The following PLXNA2 variants were observed in gnomAD, a reference collection of about 807,000 sequenced individuals.
PLXNA2 encodes plexin-A2.
Under a neutral mutation model 193.5 loss-of-function variants are expected in PLXNA2, and 91 were observed. The observed-to-expected ratio is 0.47, with a 90% CI of 0.40 to 0.56. The LOEUF is 0.56. PLXNA2 is among the 20% of genes least tolerant of loss of function. PLXNA2 has a pLI of 0.00. For synonymous variants in PLXNA2, 997 were observed against 1,027.3 expected, an observed-to-expected ratio of 0.97 and a Z score of 0.56; for missense variants, 1,995 against 2,503.2, an observed-to-expected ratio of 0.80 and a Z score of 4.33.
chr1:208,226,724 G>T (rs1340645923), intron 1 of PLXNA2, among the ~76,000 whole-genome samples: 2 of 152,212 alleles, frequency 1.3e-5, no homozygotes, highest in Non-Finnish European at 2.9e-5. Flanking sequence ...AGCTGAGAGA[G>T]CCGCATGGTA....
intron 3 of PLXNA2, among the ~76,000 whole-genome samples, chr1:208,152,681 A>ATG (rs1553288578): frequency 6.3e-5 from 4 of 63,818 alleles, no homozygotes; most frequent in African/African-American, 1.7e-4. Flanking sequence ...ACACACACAC[A>ATG]CGCACACACA....
At chr1:208,143,534 T>G (rs1295059000) in intron 3 of PLXNA2, among the ~76,000 whole-genome samples, 2 of 152,204 alleles carry the variant, frequency 1.3e-5, no homozygotes, top group Non-Finnish European at 2.9e-5. Context: ...CAAGGAGCCC[T>G]TGGTCTGAAT....
In PLXNA2 at chr1:208,079,439, T is replaced by G. The variant is rs1666262016; in HGVS notation, c.2407A>C (p.Lys803Gln). The G allele has an allele frequency of 3.8e-6, 6 of 1,591,852 alleles. No individual in the cohort carries two copies. The Admixed American group carries it at 1.0e-4, about 28-fold the overall frequency. Reference protein sequence around the residue: ...NPQDLKVHLYKCAAQRESCGL... With the variant: ...NPQDLKVHLYQCAAQRESCGL... ...CAGCTCTCCCGCTGGGCTGCACACTTGTAGAGATGGACTGCAAAGAGAGCA... is the reference window on the plus strand; with the variant it reads ...CAGCTCTCCCGCTGGGCTGCACACTGGTAGAGATGGACTGCAAAGAGAGCA... Residue 803 changes from lysine to glutamine, a missense_variant, in exon 12 of 32, where the codon AAG becomes CAG. By Grantham distance (53) the Lys-to-Gln change is moderately conservative (BLOSUM62 1). This residue lies in a region of PLXNA2 where 1,291 missense variants were observed against 1,673.6 expected (regional missense o/e 0.77). Transcript: ENST00000367033.
intron 3 of PLXNA2, among the ~76,000 whole-genome samples, chr1:208,195,522 T>G (rs1416320230): frequency 3.3e-5 from 5 of 152,170 alleles, no homozygotes; most frequent in African/African-American, 4.8e-5. Flanking sequence ...GGCTGTGGTT[T>G]ATCTCCCATT....
chr1:208,056,107 T>C (rs58937727), intron 13 of PLXNA2, among the ~76,000 whole-genome samples: 1 of 152,374 alleles, frequency 6.6e-6, no homozygotes, highest in East Asian at 1.9e-4. Context: ...ATCTTCATGC[T>C]GCTACCTGCG....
At chr1:208,099,108 G>A in intron 5 of PLXNA2, 139 bp from the exon 6 acceptor site, 1 of 1,044,776 alleles carries the variant, frequency 9.6e-7, no homozygotes, top group Non-Finnish European at 1.4e-6. Context: ...CTGTACTCCG[G>A]AGGGCCTTGG....
intron 3 of PLXNA2, among the ~76,000 whole-genome samples, chr1:208,171,376 T>C (rs1448509599): frequency 1.3e-5 from 2 of 152,246 alleles, no homozygotes. Flanking sequence ...AGGTTTGATA[T>C]GTACTCTATC....
chr1:208,080,942 G>A (rs1363154591), intron 11 of PLXNA2, among the ~76,000 whole-genome samples: 6 of 152,312 alleles, frequency 3.9e-5, no homozygotes, highest in Admixed American at 3.9e-4. Flanking sequence ...TCTTTAAATG[G>A]TGTGGTCCTC....
chr1:208,077,127 G>A (rs1377178192), intron 12 of PLXNA2, among the ~76,000 whole-genome samples: 2 of 152,056 alleles, frequency 1.3e-5, no homozygotes, highest in South Asian at 2.1e-4. Context: ...TCCAGGCCTG[G>A]ATGCTCCCTC....
chr1:208,140,471 G>A (rs188423591), intron 4 of PLXNA2, among the ~76,000 whole-genome samples: 20 of 152,208 alleles, frequency 1.3e-4, no homozygotes, highest in African/African-American at 3.9e-4. Flanking sequence ...AGAGCTACCC[G>A]CCTGGTCCTC....
intron 12 of PLXNA2, among the ~76,000 whole-genome samples, chr1:208,075,664 G>A (rs781644792): frequency 5.3e-5 from 8 of 152,134 alleles, no homozygotes; most frequent in Non-Finnish European, 1.2e-4. Flanking sequence ...TATTACTTGT[G>A]TACTGTGCCA....
intron 3 of PLXNA2, among the ~76,000 whole-genome samples, chr1:208,157,758 G>A (rs1668982043): frequency 6.6e-6 from 1 of 152,202 alleles, no homozygotes; most frequent in Non-Finnish European, 1.5e-5. Context: ...GGGGGTGGAG[G>A]AGAAACTCCT....
rs764091521 is a variant in PLXNA2 at position 208,029,032 on chromosome 1, G to A, written c.5236C>T (p.Arg1746Cys). 1.9e-6 allele frequency: 3 copies of A among 1,614,130 alleles called. No individual in the cohort carries two copies. Among genetic ancestry groups the A allele is most frequent in the South Asian group, 2.2e-5 (2 of 91,080 alleles). Residue 1746 changes from arginine to cysteine, a missense_variant, in exon 30 of 32, where the codon CGC (arginine) becomes TGC (cysteine). Physicochemically the swap from Arg to Cys is radical, Grantham distance 180. Around this residue, in one of 3 missense-constraint regions of PLXNA2, gnomAD observed 1,291 missense variants for 1,673.6 expected, o/e 0.77. Coordinates refer to ENST00000367033, the MANE Select transcript of PLXNA2 (RefSeq NM_025179.4). ...HTWKSNCLPLRFWVNVIKNPQ... is the reference protein window; with the variant it reads ...HTWKSNCLPLCFWVNVIKNPQ... The stretch of plus-strand genomic sequence containing the variant: ...TTCTTAATCACGTTCACCCAGAAGC[G>A]CAGAGGGAGGCTGTGGGGAAAGGCA...
intron 9 of PLXNA2, among the ~76,000 whole-genome samples, chr1:208,092,563 G>A (rs1256037452): frequency 1.3e-5 from 2 of 152,230 alleles, no homozygotes; most frequent in African/African-American, 4.8e-5. Flanking sequence ...AATGCATAGA[G>A]TCTTAGGAGT....
chr1:208,217,904 A>G lies in PLXNA2; in HGVS notation c.19T>C (p.Trp7Arg). ...CTGTCCACCTCCAGGGCCCGGGGCC[A>G]GGGCCGCCTCTGTTCCATGCTGAGA... Reference protein sequence around the residue: MEQRRPWPRALEVDSRS... With the variant: MEQRRPRPRALEVDSRS... Residue 7 changes from tryptophan to arginine, a missense_variant, in exon 2 of 32, where the codon TGG becomes CGG. By Grantham distance (101) the Trp-to-Arg change is moderately radical (BLOSUM62 -3). Transcript: ENST00000367033. The surrounding 1 kb of genome is among the most constrained non-coding windows in gnomAD (Gnocchi z 4.7). The G allele has an allele frequency of 6.2e-7, 1 of 1,610,508 alleles. No homozygotes were observed. Among genetic ancestry groups the G allele is most frequent in the Non-Finnish European group, 8.5e-7 (1 of 1,179,794 alleles).
chr1:208,033,637 G>A (rs772554428), intron 27 of PLXNA2, 128 bp from the exon 28 acceptor site: 46 of 672,158 alleles, frequency 6.8e-5, no homozygotes, highest in Middle Eastern at 4.3e-4. Context: ...AAAGGGGACC[G>A]TTGGGACCTC....
rs1232246176 is a variant in PLXNA2, at chr1:208,236,627, G to A, written c.-81+7016C>T. ...ATAGGCTCCGCTGACATTCTGAGCT[G>A]TCCCTGGCGTGTTCTCGTTCACTCA... is the stretch of plus-strand genomic sequence containing the variant. On this transcript the variant is annotated intron_variant, in intron 1 of 31. Transcript: ENST00000367033. This position sits in a 1 kb window ranked among gnomAD's most constrained non-coding sequence, Gnocchi z 4.4. Among the ~76,000 whole-genome samples the A allele has an allele frequency of 6.6e-6, 1 of 152,202 alleles. No homozygotes were observed. Among genetic ancestry groups the A allele is most frequent in the African/African-American group, 2.4e-5 (1 of 41,454 alleles).
At chr1:208,124,508 A>G (rs1229058827) in intron 4 of PLXNA2, among the ~76,000 whole-genome samples, 3 of 151,896 alleles carry the variant, frequency 2.0e-5, no homozygotes, top group African/African-American at 7.3e-5. Flanking sequence ...GCGAAACCCT[A>G]TCTCTACTAA....
At chr1:208,194,001 C>G (rs931657422) in intron 3 of PLXNA2, among the ~76,000 whole-genome samples, 6 of 151,466 alleles carry the variant, frequency 4.0e-5, no homozygotes, top group Non-Finnish European at 2.9e-5. Context: ...ACCTATGAGT[C>G]CTGGGGGTGG....
Sources: allele counts gnomAD v4.1 joint callset (sites outside exome capture counted in the v4.1 genomes callset), GRCh38; gene constraint gnomAD v4.1.1; regional missense constraint gnomAD v4.1.1; non-coding constraint Gnocchi (gnomAD v3.1); transcripts MANE v1.5; gene names NCBI Gene and HGNC (gene_info 2026-07-23, HGNC 2026-07-21).